The following CFAP299 variants were observed in gnomAD, a reference collection of about 807,000 sequenced individuals.
The protein encoded by CFAP299 is cilia- and flagella-associated protein 299.
CFAP299 carries 21 observed loss-of-function variants against 27.0 expected under a neutral mutation model. That is an observed-to-expected ratio of 0.78 (90% CI 0.55 to 1.12). The LOEUF is 1.12. Ranked by LOEUF, CFAP299 falls within the 50% of genes most tolerant of loss-of-function variation. The pLI is 0.00. For missense variants in CFAP299, 310 were observed against 276.6 expected (o/e 1.12, Z -0.86); for synonymous variants, 104 against 98.1 (o/e 1.06, Z -0.36).
rs1185430851 is a variant in CFAP299, at chr4:80,780,154, C to A, written c.334-89839C>A. 2.6e-5 allele frequency among the ~76,000 whole-genome samples: 4 copies of A among 152,210 alleles called. No individual in the cohort carries two copies. In the East Asian group the frequency reaches 7.7e-4, roughly 29 times the overall value. On this transcript the variant is annotated intron_variant, in intron 3 of 5. Transcript: ENST00000358105. ...CTCTCCACATCTGCAAATCCTACTT[C>A]TTCTTTAAACAAACTCTACGAGGTT...
chr4:80,842,744 G>T (rs1382572793), intron 3 of CFAP299, among the ~76,000 whole-genome samples: 1 of 152,064 alleles, frequency 6.6e-6, no homozygotes, highest in Non-Finnish European at 1.5e-5. Flanking sequence ...ATTAGGCTAT[G>T]ACACCAGAGA....
intron 3 of CFAP299, among the ~76,000 whole-genome samples, chr4:80,631,036 T>C (rs1739178750): frequency 6.6e-6 from 1 of 152,032 alleles, no homozygotes; most frequent in South Asian, 2.1e-4. Context: ...GCATAAAATA[T>C]AGTTGTTTCC....
chr4:80,824,791 G>C (rs1310132502), intron 3 of CFAP299, among the ~76,000 whole-genome samples: 1 of 151,950 alleles, frequency 6.6e-6, no homozygotes, highest in African/African-American at 2.4e-5. Context: ...CAAAACCCCT[G>C]GGAAAGAGAG....
intron 4 of CFAP299, among the ~76,000 whole-genome samples, chr4:80,888,238 G>A (rs1734068502): frequency 6.6e-6 from 1 of 151,864 alleles, no homozygotes; most frequent in Non-Finnish European, 1.5e-5. Context: ...CTGCCTACAA[G>A]AAACACACTT....
intron 2 of CFAP299, among the ~76,000 whole-genome samples, chr4:80,450,397 A>G (rs954669692): frequency 2.0e-5 from 3 of 152,208 alleles, no homozygotes; most frequent in Non-Finnish European, 4.4e-5. Context: ...AGTAATAACT[A>G]TGCTCACTTA....
chr4:80,801,964 A>T (rs1480381722), intron 3 of CFAP299, among the ~76,000 whole-genome samples: 12 of 152,128 alleles, frequency 7.9e-5, no homozygotes, highest in Non-Finnish European at 1.8e-4. Context: ...TTCTGATGTC[A>T]GAGAAACATG....
At chr4:80,381,300 C>A (rs1724685924) in intron 2 of CFAP299, among the ~76,000 whole-genome samples, 1 of 151,676 alleles carries the variant, frequency 6.6e-6, no homozygotes, top group Non-Finnish European at 1.5e-5. Context: ...TCTTCAAAAT[C>A]TCCTTGATGA....
In CFAP299 at chr4:80,515,003, G is replaced by T. The variant is rs141583140; in HGVS notation, c.243-68090G>T. 5.7e-3 allele frequency among the ~76,000 whole-genome samples: 862 copies of T among 152,076 alleles called. 5 individuals are homozygous for T. Among genetic ancestry groups the T allele is most frequent in the African/African-American group, 0.02 (816 of 41,510 alleles). ...AGAACGGTGTCTATTCTAATAGAAA[G>T]AAACAAATTCCTGGCGATGCAAACT... is the stretch of plus-strand genomic sequence containing the variant. On this transcript the variant is annotated intron_variant, in intron 2 of 5. Transcript: ENST00000358105.
intron 3 of CFAP299, among the ~76,000 whole-genome samples, chr4:80,746,994 C>T (rs535017443): frequency 6.6e-6 from 1 of 151,832 alleles, no homozygotes; most frequent in South Asian, 2.1e-4. Context: ...TTAAAGTAAC[C>T]AGAATAGGTT....
chr4:80,749,749 ATCT>A (rs1233640082), intron 3 of CFAP299, among the ~76,000 whole-genome samples: 2 of 152,220 alleles, frequency 1.3e-5, no homozygotes, highest in African/African-American at 4.8e-5. Context: ...TACTCTCTCC[ATCT>A]TCTTCTGCCT....
rs184904897 is a variant in CFAP299, at chr4:80,536,394, C to T, written c.243-46699C>T. Among the ~76,000 whole-genome samples the T allele has an allele frequency of 1.3e-3, 204 of 152,210 alleles. 3 individuals are homozygous for T. Among genetic ancestry groups the T allele is most frequent in the Admixed American group, 0.011 (170 of 15,288 alleles). ...CAGTAACTCTAAATCATAGTATATA[C>T]GTATCGTTTGAAAGCAATCTTGAGC... On this transcript the variant is annotated intron_variant, in intron 2 of 5. Coordinates refer to ENST00000358105, the MANE Select transcript of CFAP299 (RefSeq NM_152770.3).
intron 1 of CFAP299, among the ~76,000 whole-genome samples, chr4:80,360,784 C>T (rs78868476): frequency 1.3e-5 from 2 of 152,156 alleles, no homozygotes; most frequent in African/African-American, 4.8e-5. Flanking sequence ...TTTTCCAATT[C>T]AAGTCCATCT....
intron 3 of CFAP299, among the ~76,000 whole-genome samples, chr4:80,762,718 C>G (rs961413622): frequency 3.9e-5 from 6 of 152,150 alleles, no homozygotes; most frequent in Admixed American, 3.9e-4. Context: ...CAATCTTTTG[C>G]TGTCAGCTCC....
At chr4:80,523,078 C>G (rs371528713) in intron 2 of CFAP299, among the ~76,000 whole-genome samples, 61 of 152,216 alleles carry the variant, frequency 4.0e-4, no homozygotes, top group African/African-American at 1.4e-3. Flanking sequence ...TTGTACATCT[C>G]TTTGGATAAA....
intron 4 of CFAP299, chr4:80,870,395 CT>C: frequency 9.0e-7 from 1 of 1,109,440 alleles, no homozygotes; most frequent in Non-Finnish European, 1.1e-6. Flanking sequence ...TAAGTAGTGC[CT>C]AAATTTTGTT....
chr4:80,607,257 T>G (rs1737727314), intron 3 of CFAP299, among the ~76,000 whole-genome samples: 1 of 152,166 alleles, frequency 6.6e-6, no homozygotes, highest in South Asian at 2.1e-4. Flanking sequence ...TACCCTAAAC[T>G]TCTTCATCGC....
chr4:80,451,143 A>G (rs1413499766), intron 2 of CFAP299, among the ~76,000 whole-genome samples: 2 of 152,156 alleles, frequency 1.3e-5, no homozygotes, highest in Non-Finnish European at 2.9e-5. Flanking sequence ...GTCCAAGATC[A>G]AGGTATGAGC....
At chr4:80,627,798 C>T (rs1464604358) in intron 3 of CFAP299, among the ~76,000 whole-genome samples, 3 of 151,660 alleles carry the variant, frequency 2.0e-5, no homozygotes, top group Non-Finnish European at 3.0e-5. Context: ...GATCTCTACC[C>T]TAAAAGCCAT....
chr4:80,760,772 T>G (rs1275503572), intron 3 of CFAP299, among the ~76,000 whole-genome samples: 1 of 151,964 alleles, frequency 6.6e-6, no homozygotes, highest in Non-Finnish European at 1.5e-5. Context: ...GAATTAAAGG[T>G]AAAATTAAGA....
Sources: gnomAD v4.1 joint callset for allele counts (sites outside exome capture counted in the v4.1 genomes callset) on GRCh38, gnomAD v4.1.1 for gene constraint, MANE v1.5 for transcripts, NCBI Gene and HGNC (gene_info 2026-07-23, HGNC 2026-07-21) for gene names.